Variants in DNM3 observed in about 807,000 individuals in gnomAD.
DNM3 encodes the protein dynamin-3.
DNM3 carries 47 observed loss-of-function variants against 101.6 expected under a neutral mutation model. The observed-to-expected ratio is 0.46, with a 90% confidence interval of 0.37 to 0.59. DNM3 has a LOEUF of 0.59. DNM3 is among the 20% of genes least tolerant of loss of function. The pLI, the probability that DNM3 is intolerant of heterozygous loss-of-function variation, is 0.00. For missense variants in DNM3, 849 were observed against 1,085.7 expected (o/e 0.78, Z 3.06); for synonymous variants, 385 against 387.9 (o/e 0.99, Z 0.09).
chr1:171,914,565 A>G (rs1429870208), intron 1 of DNM3, among the ~76,000 whole-genome samples: 3 of 152,176 alleles, frequency 2.0e-5, no homozygotes, highest in African/African-American at 7.2e-5. Context: ...GACAGAGTCA[A>G]TAATATTGGC....
intron 17 of DNM3, among the ~76,000 whole-genome samples, chr1:172,365,444 T>C (rs950135573): frequency 1.9e-4 from 29 of 152,088 alleles, no homozygotes; most frequent in African/African-American, 5.8e-4. Flanking sequence ...TAGTCAGTCA[T>C]TGATGTTAAG....
Position 171,897,353 on chromosome 1 carries a change from T to C in DNM3, c.162-24395T>C, listed in dbSNP as rs115873777. 7.9e-3 allele frequency among the ~76,000 whole-genome samples: 1,209 copies of C among 152,372 alleles called. 16 individuals carry two copies. Among genetic ancestry groups the C allele is most frequent in the African/African-American group, 0.027 (1,118 of 41,590 alleles). On this transcript the variant is annotated intron_variant, in intron 1 of 20. Coordinates refer to ENST00000627582, the MANE Select transcript of DNM3 (RefSeq NM_015569.5). ...AATGTCTAATTTAAAATTTATACTA[T>C]GTACTTTTTTCTAATTAGAATATTT...
At chr1:171,908,918 T>C (rs905091967) in intron 1 of DNM3, among the ~76,000 whole-genome samples, 1 of 152,172 alleles carries the variant, frequency 6.6e-6, no homozygotes, top group Non-Finnish European at 1.5e-5. Context: ...CCTTCCCTAC[T>C]TCCCTTCCTT....
chr1:172,010,682 TTGTGTGTGTGTGTG>T (rs59701730), intron 4 of DNM3, among the ~76,000 whole-genome samples: 115 of 112,752 alleles, frequency 1.0e-3, no homozygotes, highest in African/African-American at 3.3e-3. Flanking sequence ...TTGGTATGTT[TTGTGTGTGTGTGTG>T]TGTGTGTGTG....
intron 17 of DNM3, among the ~76,000 whole-genome samples, chr1:172,375,909 T>C (rs2068574054): frequency 6.6e-6 from 1 of 150,910 alleles, no homozygotes; most frequent in East Asian, 2.0e-4. Context: ...GGAGGATCCC[T>C]TGAGTTCAGG....
intron 4 of DNM3, among the ~76,000 whole-genome samples, chr1:172,000,455 C>A (rs1384417267): frequency 6.6e-6 from 1 of 152,072 alleles, no homozygotes; most frequent in Non-Finnish European, 1.5e-5. Context: ...CCAGTTCTCA[C>A]AGGCTGTATT....
chr1:172,059,959 C>T (rs984981629), intron 10 of DNM3, among the ~76,000 whole-genome samples: 5 of 147,566 alleles, frequency 3.4e-5, no homozygotes, highest in African/African-American at 7.6e-5. Context: ...ATTGTCTCAG[C>T]CCAAAATCTC....
At chr1:171,951,678 G>A (rs2042535177) in intron 2 of DNM3, among the ~76,000 whole-genome samples, 1 of 152,098 alleles carries the variant, frequency 6.6e-6, no homozygotes, top group South Asian at 2.1e-4. Context: ...ACTGAATACT[G>A]AATTTGGGAT....
intron 1 of DNM3, among the ~76,000 whole-genome samples, chr1:171,855,351 G>T (rs1177755496): frequency 2.0e-5 from 3 of 152,174 alleles, no homozygotes; most frequent in African/African-American, 4.8e-5. Context: ...ACATGCATGT[G>T]TCCTTATGGT....
intron 14 of DNM3, among the ~76,000 whole-genome samples, chr1:172,162,137 G>A (rs2058567636): frequency 6.6e-6 from 1 of 152,026 alleles, no homozygotes; most frequent in Non-Finnish European, 1.5e-5. Flanking sequence ...TTTTATAATA[G>A]TAGGAAACAT....
At chr1:172,193,104 G>A (rs1327642344) in intron 14 of DNM3, among the ~76,000 whole-genome samples, 2 of 151,916 alleles carry the variant, frequency 1.3e-5, no homozygotes, top group Non-Finnish European at 2.9e-5. Flanking sequence ...TTGTGGTTTT[G>A]ATTTGCATTT....
chr1:172,312,777 G>C (rs1032694457), intron 16 of DNM3, among the ~76,000 whole-genome samples: 4 of 152,142 alleles, frequency 2.6e-5, no homozygotes, highest in African/African-American at 9.7e-5. Context: ...TAGTGAAAGA[G>C]AAAGACACAA....
intron 14 of DNM3, among the ~76,000 whole-genome samples, chr1:172,133,731 A>G (rs1165188363): frequency 6.6e-6 from 1 of 152,082 alleles, no homozygotes; most frequent in Non-Finnish European, 1.5e-5. Context: ...TTGAGCAGAG[A>G]CTGAGATGAT....
At chr1:171,899,798 A>G (rs893721153) in intron 1 of DNM3, among the ~76,000 whole-genome samples, 2 of 152,208 alleles carry the variant, frequency 1.3e-5, no homozygotes, top group African/African-American at 4.8e-5. Flanking sequence ...AATAGACAAA[A>G]CATATATAGT....
At chr1:172,231,109 C>G (rs75843436) in intron 14 of DNM3, among the ~76,000 whole-genome samples, 6,641 of 149,766 alleles carry the variant, frequency 0.044, 443 homozygotes, top group African/African-American at 0.14. Context: ...GAACTCCAAA[C>G]TTGGATATCC....
intron 1 of DNM3, chr1:171,864,606 C>T (rs1451149792): frequency 6.6e-6 from 1 of 152,164 alleles, no homozygotes; most frequent in African/African-American, 2.4e-5. Flanking sequence ...TCCTATTAGG[C>T]AGGAACCAAG....
At chr1:171,922,976 C>A (rs2040296601) in intron 2 of DNM3, among the ~76,000 whole-genome samples, 1 of 152,046 alleles carries the variant, frequency 6.6e-6, no homozygotes, top group Non-Finnish European at 1.5e-5. Context: ...TTGTTTCCAC[C>A]CTTTGGTTAT....
intron 15 of DNM3, among the ~76,000 whole-genome samples, chr1:172,272,818 CATTCA>C (rs2063137199): frequency 6.6e-6 from 1 of 152,088 alleles, no homozygotes; most frequent in African/African-American, 2.4e-5. Flanking sequence ...ATCCAGTAGA[CATTCA>C]GCAATGCCAA....
intron 2 of DNM3, among the ~76,000 whole-genome samples, chr1:171,926,475 A>G (rs1274878658): frequency 6.6e-6 from 1 of 152,330 alleles, no homozygotes; most frequent in South Asian, 2.1e-4. Context: ...TGAAAAGACT[A>G]TTCTTTCCTC....
Sources: gnomAD v4.1 joint callset for allele counts (sites outside exome capture counted in the v4.1 genomes callset) on GRCh38, gnomAD v4.1.1 for gene constraint, MANE v1.5 for transcripts, NCBI Gene and HGNC (gene_info 2026-07-23, HGNC 2026-07-21) for gene names.